Variants in MS4A8 observed in about 807,000 individuals in gnomAD.
The protein encoded by MS4A8 is membrane spanning 4-domains A8, also known as membrane-spanning 4-domains subfamily A member 8.
In MS4A8, 27 loss-of-function variants were observed where a neutral mutation model predicts 23.7. That is an observed-to-expected ratio of 1.14 (90% CI 0.84 to 1.57). The LOEUF is 1.57. Among genes scored for constraint, MS4A8 ranks in the 40% most tolerant of loss-of-function variants. The pLI is 0.00. For missense variants in MS4A8, 301 were observed against 311.4 expected (o/e 0.97, Z 0.25); for synonymous variants, 138 against 126.3 (o/e 1.09, Z -0.62).
At chr11:60,711,469 A>G (rs2088299852) in intron 5 of MS4A8, among the ~76,000 whole-genome samples, 1 of 152,198 alleles carries the variant, frequency 6.6e-6, no homozygotes, top group Admixed American at 6.5e-5. Context: ...CTTTAGGATT[A>G]AAGTCCAAAT....
chr11:60,700,684 A>AG (rs2088195076), intron 1 of MS4A8, among the ~76,000 whole-genome samples, 176 bp from the exon 2 acceptor site: 1 of 152,216 alleles, frequency 6.6e-6, no homozygotes, highest in African/African-American at 2.4e-5. Flanking sequence ...ATGAAAGGAA[A>AG]TGTATTTGTA....
intron 5 of MS4A8, among the ~76,000 whole-genome samples, chr11:60,709,459 A>C (rs2088283730): frequency 1.3e-5 from 2 of 152,236 alleles, no homozygotes; most frequent in South Asian, 4.1e-4. Flanking sequence ...CGTATATCTA[A>C]AATATTGTCA....
chr11:60,705,296 C>T (rs1464656232), intron 3 of MS4A8, among the ~76,000 whole-genome samples: 3 of 152,242 alleles, frequency 2.0e-5, no homozygotes, highest in Non-Finnish European at 4.4e-5. Flanking sequence ...TACCATTGAG[C>T]ACACAATGCC....
rs1331653858 is a variant in MS4A8 at position 60,699,718 on chromosome 11, T to C, written c.-59T>C. On this transcript the variant is annotated 5_prime_UTR_variant, in exon 1 of 7. Coordinates refer to ENST00000300226, the MANE Select transcript of MS4A8 (RefSeq NM_031457.2). ...CATTCTCTCAGGAAAAAAAACAAGG[T>C]CCCCACAGCAAAGAAAAGGAATAGG... 6.6e-6 allele frequency: 1 copy of C among 151,974 alleles called. No homozygotes were observed. The highest frequency in any genetic ancestry group is 1.5e-5 in the Non-Finnish European group (1 of 68,044). The allele number at this position is 151,974 out of a possible 1,614,324, so 9.4% of individuals were successfully genotyped here.
At chr11:60,704,817 CACACACACACACACACACAT>C (rs1229225305) in intron 3 of MS4A8, among the ~76,000 whole-genome samples, 68 of 123,122 alleles carry the variant, frequency 5.5e-4, no homozygotes, top group African/African-American at 2.1e-3. Flanking sequence ...CCTGCCCACA[CACACACACACACACACACAT>C]ACACACACAC....
chr11:60,701,793 G>A (rs996180728), intron 2 of MS4A8, among the ~76,000 whole-genome samples: 2 of 152,140 alleles, frequency 1.3e-5, no homozygotes, highest in Non-Finnish European at 2.9e-5. Context: ...CGTGGTTTGT[G>A]ATAACAAAAA....
chr11:60,703,180 G>A, intron 2 of MS4A8, 198 bp from the exon 3 acceptor site: 1 of 512,968 alleles, frequency 1.9e-6, no homozygotes, highest in Non-Finnish European at 3.2e-6. Context: ...AGAATAATGG[G>A]AGAATACACC....
intron 2 of MS4A8, 119 bp downstream of exon 2, chr11:60,701,198 G>T: frequency 2.2e-6 from 2 of 918,070 alleles, no homozygotes; most frequent in East Asian, 5.2e-5. Context: ...AGTTGATCGC[G>T]CCTTGCCAAG....
intron 4 of MS4A8, among the ~76,000 whole-genome samples, chr11:60,707,457 C>T (rs2088265326): frequency 1.3e-5 from 2 of 152,256 alleles, no homozygotes; most frequent in South Asian, 2.1e-4. Flanking sequence ...CCGGGGAAGC[C>T]GAAGGAGGCT....
chr11:60,705,668 C>T (rs1024069147), intron 3 of MS4A8, among the ~76,000 whole-genome samples: 2 of 152,214 alleles, frequency 1.3e-5, no homozygotes, highest in South Asian at 4.1e-4. Context: ...AGAATATGGC[C>T]TTGGCCTTGG....
chr11:60,709,891 C>G (rs1268967998), intron 5 of MS4A8, among the ~76,000 whole-genome samples: 1 of 152,224 alleles, frequency 6.6e-6, no homozygotes, highest in Non-Finnish European at 1.5e-5. Flanking sequence ...TCTCTCTGGC[C>G]CTCTTTGCAG....
chr11:60,711,122 G>A (rs1159669701), intron 5 of MS4A8, among the ~76,000 whole-genome samples: 1 of 152,160 alleles, frequency 6.6e-6, no homozygotes, highest in African/African-American at 2.4e-5. Flanking sequence ...CCTGTCCCTA[G>A]AATGAGATTC....
Position 60,703,452 on chromosome 11 carries a change from C to A in MS4A8, c.294C>A (p.Tyr98Ter), listed in dbSNP as rs1565051180. ...TGGCGACGGTTCTCGTAGGGGAATA[C>A]CTGTCTATTTCATTCTACGGAGGCT... is the stretch of plus-strand genomic sequence containing the variant. ...SIMATVLVGEYLSISFYGGFP... is the reference protein window; with the variant it reads ...SIMATVLVGE The change falls in exon 3 of 7, where the codon TAC (tyrosine) becomes TAA (stop). Residue 98 changes from tyrosine to a stop codon, truncating the protein, a stop_gained. Coordinates refer to ENST00000300226, the MANE Select transcript of MS4A8 (RefSeq NM_031457.2). LOFTEE classifies it high-confidence loss of function. The A allele has an allele frequency of 6.2e-7, 1 of 1,608,776 alleles. No individual in the cohort carries two copies. Among genetic ancestry groups the A allele is most frequent in the Admixed American group, 1.7e-5 (1 of 59,162 alleles).
chr11:60,707,474 C>T (rs924441450), intron 4 of MS4A8, among the ~76,000 whole-genome samples: 30 of 152,178 alleles, frequency 2.0e-4, no homozygotes, highest in African/African-American at 7.2e-4. Flanking sequence ...GGCTCAGTCA[C>T]TCGCTTTCCT....
chr11:60,701,028 T>G lies in MS4A8; in HGVS notation c.168T>G (p.Asn56Lys), dbSNP rs1448246623. Residue 56 changes from asparagine (N) to lysine (K), a missense_variant, in exon 2 of 7, where the codon AAT (asparagine) becomes AAG (lysine). By Grantham distance (94) the Asn-to-Lys change is moderately conservative (BLOSUM62 0). Transcript: ENST00000300226. ...VPGNPPSLVS[N>K]VNGQPVQKAL... ...GGAACCCACCTAGTTTGGTGTCGAA[T>G]GTGAATGGGCAGCCTGTGCAGAAAG... is the stretch of plus-strand genomic sequence containing the variant. The G allele has an allele frequency of 1.9e-6, 3 of 1,614,154 alleles. No homozygotes were observed. The highest frequency in any genetic ancestry group is 2.5e-6 in the Non-Finnish European group (3 of 1,180,028).
chr11:60,706,899 A>T, intron 3 of MS4A8, 89 bp from the exon 4 acceptor site: 1 of 1,095,244 alleles, frequency 9.1e-7, no homozygotes, highest in Non-Finnish European at 1.4e-6. Flanking sequence ...CAGCAAAGGT[A>T]CCCACTGTGT....
At position 60,713,036 on chromosome 11, in the gene MS4A8, C is replaced by G. The variant is rs535188584; in HGVS notation, c.535-1985C>G. Reference sequence around the variant, plus strand: ...TTCTATTTCTCCCGGTTACCTCCTGCTATGGTTAATTTACTTCATTTTGGG... The same window carrying G: ...TTCTATTTCTCCCGGTTACCTCCTGGTATGGTTAATTTACTTCATTTTGGG... On this transcript the variant is annotated intron_variant, in intron 5 of 6. Transcript: ENST00000300226. 3.9e-5 allele frequency among the ~76,000 whole-genome samples: 6 copies of G among 152,252 alleles called. No individual in the cohort carries two copies. In the South Asian group the frequency reaches 1.2e-3, roughly 32 times the overall value.
intron 4 of MS4A8, among the ~76,000 whole-genome samples, chr11:60,707,449 G>A (rs554080895): frequency 1.4e-4 from 21 of 152,246 alleles, no homozygotes; most frequent in South Asian, 6.2e-4. Flanking sequence ...AGAGGACTCC[G>A]GGGAAGCCGA....
At chr11:60,713,824 A>T (rs1370550895) in intron 5 of MS4A8, among the ~76,000 whole-genome samples, 1 of 149,148 alleles carries the variant, frequency 6.7e-6, no homozygotes, top group Non-Finnish European at 1.5e-5. Context: ...TCCTAGGCAG[A>T]GGTCTCTGTG....
Sources: allele counts gnomAD v4.1 joint callset (sites outside exome capture counted in the v4.1 genomes callset), GRCh38; gene constraint gnomAD v4.1.1; transcripts MANE v1.5; gene names NCBI Gene and HGNC (gene_info 2026-07-23, HGNC 2026-07-21).